The following FAM149B1 variants were observed in gnomAD, a reference collection of about 807,000 sequenced individuals.
The protein encoded by FAM149B1 is primary cilium assembly protein FAM149B1.
A neutral mutation model predicts 75.3 loss-of-function variants in FAM149B1; 56 were observed. The observed-to-expected ratio is 0.74, with a 90% CI of 0.60 to 0.93. The LOEUF is 0.93. FAM149B1 is among the 40% of genes least tolerant of loss of function. The pLI is 0.00. For synonymous variants in FAM149B1, 259 were observed against 256.1 expected (o/e 1.01, Z -0.11); for missense variants, 639 against 708.4 (o/e 0.90, Z 1.11).
At chr10:73,240,079 A>G (rs1054969474) in intron 13 of FAM149B1, among the ~76,000 whole-genome samples, 1 of 152,134 alleles carries the variant, frequency 6.6e-6, no homozygotes, top group Non-Finnish European at 1.5e-5. Context: ...CAGTGCCACC[A>G]TGCCCAGGTA....
chr10:73,202,860 T>C (rs941996863), intron 5 of FAM149B1, among the ~76,000 whole-genome samples: 5 of 152,032 alleles, frequency 3.3e-5, no homozygotes, highest in African/African-American at 1.2e-4. Context: ...CTGGCTAATT[T>C]TGTATTTTTT....
chr10:73,204,859 G>A (rs1192270476), intron 5 of FAM149B1, among the ~76,000 whole-genome samples: 2 of 128,792 alleles, frequency 1.6e-5, no homozygotes, highest in African/African-American at 5.8e-5. Context: ...CTCACTGCAA[G>A]CTGTGCCTCC....
rs2043946077 is a variant in FAM149B1 at position 73,241,253 on chromosome 10, G to A, written c.*234G>A. On this transcript the variant is annotated 3_prime_UTR_variant, in exon 14 of 14. Coordinates refer to ENST00000242505, the MANE Select transcript of FAM149B1 (RefSeq NM_173348.2). ...CAGCAGAAATTAACCTATCCCATTG[G>A]AAAGGCAAGTTTGTACCCAAAGATG... 2.1e-6 allele frequency: 1 copy of A among 483,716 alleles called. No individual in the cohort carries two copies. Among genetic ancestry groups the A allele is most frequent in the Non-Finnish European group, 3.8e-6 (1 of 266,276 alleles). 30.0% of individuals were successfully genotyped at this position (483,716 alleles called of 1,614,324 possible). A position where few individuals can be genotyped will look rare whatever the true frequency, so the allele number is the denominator to read the frequency against.
At chr10:73,218,026 T>C (rs1244044943) in intron 7 of FAM149B1, among the ~76,000 whole-genome samples, 1 of 152,206 alleles carries the variant, frequency 6.6e-6, no homozygotes, top group African/African-American at 2.4e-5. Flanking sequence ...CTATACACAA[T>C]TTCTCTCCAT....
chr10:73,200,559 A>G (rs2042910895), intron 5 of FAM149B1: 1 of 745,292 alleles, frequency 1.3e-6, no homozygotes. Context: ...GTTTTGGATG[A>G]AGCAGATGAA....
At chr10:73,213,124 G>A (rs967995863) in intron 7 of FAM149B1, among the ~76,000 whole-genome samples, 3 of 152,180 alleles carry the variant, frequency 2.0e-5, no homozygotes, top group African/African-American at 7.2e-5. Flanking sequence ...TGGGATTACA[G>A]GCATGAGCCA....
intron 7 of FAM149B1, among the ~76,000 whole-genome samples, chr10:73,217,572 T>C (rs1463973202): frequency 3.9e-5 from 6 of 152,370 alleles, no homozygotes; most frequent in Admixed American, 3.3e-4. Flanking sequence ...TTTTGTGTAT[T>C]CTTAGAAGAA....
chr10:73,230,242 C>T (rs1564713059), intron 8 of FAM149B1, 180 bp from the exon 9 acceptor site: 1 of 522,938 alleles, frequency 1.9e-6, no homozygotes, highest in Non-Finnish European at 3.5e-6. Context: ...AAGGAGGGAC[C>T]CTATCACATG....
At chr10:73,181,475 T>G (rs1306101835) in intron 3 of FAM149B1, among the ~76,000 whole-genome samples, 1 of 152,166 alleles carries the variant, frequency 6.6e-6, no homozygotes, top group Admixed American at 6.5e-5. Context: ...TTCAAGAAAT[T>G]TTTCAGTCTC....
chr10:73,179,577 C>G (rs1345022078), intron 3 of FAM149B1, among the ~76,000 whole-genome samples: 3 of 151,036 alleles, frequency 2.0e-5, no homozygotes, highest in Non-Finnish European at 4.4e-5. Context: ...CCACACCCTG[C>G]TATTTTTTTT....
Position 73,228,168 on chromosome 10 carries a change from A to G in FAM149B1, c.1007A>G (p.Tyr336Cys). 6.4e-7 allele frequency: 1 copy of G among 1,551,674 alleles called. No homozygotes were observed. The highest frequency in any genetic ancestry group is 8.7e-7 in the Non-Finnish European group (1 of 1,146,966). Reference protein sequence around the residue: ...LPRVPQSKVLYITSNPMSLCQ... With the variant: ...LPRVPQSKVLCITSNPMSLCQ... The stretch of plus-strand genomic sequence containing the variant: ...CGAGTGCCACAGTCTAAGGTGCTGT[A>G]CATTACCTCAAATCCGGTAAGCCCC... Residue 336 changes from tyrosine (Y) to cysteine (C), a missense_variant, in exon 8 of 14, where the codon TAC becomes TGC. Coordinates refer to ENST00000242505, the MANE Select transcript of FAM149B1 (RefSeq NM_173348.2).
At position 73,177,943 on chromosome 10, in the gene FAM149B1, G is replaced by A. The variant is rs771439072; in HGVS notation, c.250G>A (p.Glu84Lys). ...TTATACAGGCGCAGGGATATCTACT[G>A]AAGGAAGCTCGGACTTCTCCTGGGG... Reference protein sequence around the residue: ...PSYTGAGISTEGSSDFSWGYG... With the variant: ...PSYTGAGISTKGSSDFSWGYG... Residue 84 changes from glutamate (E) to lysine (K), a missense_variant, in exon 3 of 14, where the codon GAA (glutamate) becomes AAA (lysine). Coordinates refer to ENST00000242505, the MANE Select transcript of FAM149B1 (RefSeq NM_173348.2). The A allele has an allele frequency of 6.4e-7, 1 of 1,551,510 alleles. No homozygotes were observed. The highest frequency in any genetic ancestry group is 1.2e-5 in the South Asian group (1 of 84,048).
At chr10:73,209,050 G>A (rs150472731) in intron 6 of FAM149B1, among the ~76,000 whole-genome samples, 49 of 152,170 alleles carry the variant, frequency 3.2e-4, no homozygotes, top group African/African-American at 1.1e-3. Flanking sequence ...TCCCCACATA[G>A]TTTGATTTTA....
intron 7 of FAM149B1, among the ~76,000 whole-genome samples, chr10:73,212,756 T>G (rs983679162): frequency 6.6e-6 from 1 of 151,574 alleles, no homozygotes; most frequent in African/African-American, 2.4e-5. Flanking sequence ...CTTCACATCC[T>G]TGCCAACATC....
intron 3 of FAM149B1, among the ~76,000 whole-genome samples, chr10:73,189,361 T>C (rs994584536): frequency 2.0e-5 from 3 of 152,220 alleles, no homozygotes; most frequent in African/African-American, 7.2e-5. Flanking sequence ...ACATTTATTA[T>C]GTGACAGCAA....
intron 1 of FAM149B1, among the ~76,000 whole-genome samples, chr10:73,170,102 C>A (rs1843648177): frequency 6.6e-6 from 1 of 151,986 alleles, no homozygotes; most frequent in Non-Finnish European, 1.5e-5. Context: ...TATTTTGAAT[C>A]ATTCTTGGGT....
intron 8 of FAM149B1, 108 bp downstream of exon 8, chr10:73,228,292 G>C: frequency 5.9e-6 from 5 of 852,112 alleles, no homozygotes; most frequent in Non-Finnish European, 9.3e-6. Context: ...ATATGTTTTA[G>C]TACAGTTATG....
intron 5 of FAM149B1, among the ~76,000 whole-genome samples, chr10:73,206,426 T>C (rs1467117857): frequency 6.6e-6 from 1 of 152,188 alleles, no homozygotes; most frequent in Non-Finnish European, 1.5e-5. Flanking sequence ...AAAAAGCTTT[T>C]TGGGAAGAGG....
chr10:73,195,579 A>T (rs929306921), intron 5 of FAM149B1, among the ~76,000 whole-genome samples: 1 of 152,228 alleles, frequency 6.6e-6, no homozygotes, highest in East Asian at 1.9e-4. Flanking sequence ...ACAACTATCA[A>T]TGGTAGGCCC....
Sources: gnomAD v4.1 joint callset for allele counts (sites outside exome capture counted in the v4.1 genomes callset) on GRCh38, gnomAD v4.1.1 for gene constraint, MANE v1.5 for transcripts, NCBI Gene and HGNC (gene_info 2026-07-23, HGNC 2026-07-21) for gene names.